Variants in CRYBG1 observed in about 807,000 individuals in gnomAD.
CRYBG1 encodes crystallin beta-gamma domain containing 1, also known as beta/gamma crystallin domain-containing protein 1.
Under a neutral mutation model 189.2 loss-of-function variants are expected in CRYBG1, and 139 were observed. The observed-to-expected ratio is 0.73, with a 90% confidence interval of 0.64 to 0.85. The LOEUF (loss-of-function observed/expected upper bound fraction) is 0.85. Ranked by LOEUF, CRYBG1 falls within the 40% of genes least tolerant of loss-of-function variation. CRYBG1 has a pLI of 0.00. For synonymous variants in CRYBG1, 1,023 were observed against 1,017.1 expected (o/e 1.01, Z -0.11); for missense variants, 2,611 against 2,675.8 (o/e 0.98, Z 0.53).
At chr6:106,525,413 T>C (rs377657919) in intron 6 of CRYBG1, 27 bp downstream of exon 6, 15 of 1,563,224 alleles carry the variant, frequency 9.6e-6, no homozygotes, top group Non-Finnish European at 1.3e-5. Context: ...AAGTTCCTGA[T>C]GTCAAGTGTT....
chr6:106,416,191 G>A (rs1445574997), intron 1 of CRYBG1, among the ~76,000 whole-genome samples: 1 of 152,184 alleles, frequency 6.6e-6, no homozygotes, highest in East Asian at 1.9e-4. Context: ...AGAACATACT[G>A]GCCAAACTCT....
chr6:106,452,035 AT>A (rs1467130620), intron 2 of CRYBG1, among the ~76,000 whole-genome samples: 1 of 147,864 alleles, frequency 6.8e-6, no homozygotes, highest in Non-Finnish European at 1.5e-5. Context: ...CAATATAATA[AT>A]TTATTATGTA....
At chr6:106,385,284 G>A (rs1039103150) in intron 1 of CRYBG1, among the ~76,000 whole-genome samples, 1 of 152,132 alleles carries the variant, frequency 6.6e-6, no homozygotes. Flanking sequence ...CATGGGTTAA[G>A]GGCATGTACT....
rs372510862 is a variant in CRYBG1, at chr6:106,532,106, G to T, written c.4718+1791G>T. 1.5e-3 allele frequency among the ~76,000 whole-genome samples: 225 copies of T among 152,204 alleles called. 1 individual carries two copies. Among genetic ancestry groups the T allele is most frequent in the African/African-American group, 5.2e-3 (216 of 41,518 alleles). ...TTGATACCTGTATACATTGCATAAT[G>T]ATCAAATCAGGGAAGTTAGCAAATC... On this transcript the variant is annotated intron_variant, in intron 8 of 21. Coordinates refer to ENST00000633556, the MANE Select transcript of CRYBG1 (RefSeq NM_001371242.2).
chr6:106,512,726 G>A lies in CRYBG1; in HGVS notation c.1609G>A (p.Ala537Thr), dbSNP rs1345504099. 3 of 1,559,944 alleles carry A rather than the reference G, an allele frequency of 1.9e-6. No homozygotes were observed. The highest frequency in any genetic ancestry group is 1.2e-5 in the South Asian group (1 of 84,712). Residue 537 changes from alanine to threonine, a missense_variant, in exon 3 of 22, where the codon GCC becomes ACC. By Grantham distance (58) the Ala-to-Thr change is moderately conservative. Coordinates refer to ENST00000633556, the MANE Select transcript of CRYBG1 (RefSeq NM_001371242.2). The stretch of plus-strand genomic sequence containing the variant: ...GCCCGCCAGCGGCCCCCGGGCTCCC[G>A]CCAAGGAGTCCCCACCCAAGAGGGT... The part of the protein sequence containing the change: ...APPASGPRAP[A>T]KESPPKRVPD...
At chr6:106,561,884 A>C (rs980780721) in intron 20 of CRYBG1, among the ~76,000 whole-genome samples, 1 of 152,220 alleles carries the variant, frequency 6.6e-6, no homozygotes, top group Non-Finnish European at 1.5e-5. Context: ...GAACGGGATG[A>C]AGGGTAAAGA....
intron 2 of CRYBG1, among the ~76,000 whole-genome samples, chr6:106,507,460 A>G (rs1188009906): frequency 6.6e-6 from 1 of 152,242 alleles, no homozygotes; most frequent in Non-Finnish European, 1.5e-5. Context: ...GACCCTGCCC[A>G]GGCCTGTGGG....
rs558695986 is a variant in CRYBG1 at position 106,528,133 on chromosome 6, C to T, written c.4578+663C>T. Among the ~76,000 whole-genome samples, 8 of 152,278 alleles carry T rather than the reference C, an allele frequency of 5.3e-5. 1 individual carries two copies. The South Asian group carries it at 1.0e-3, about 20-fold the overall frequency. On this transcript the variant is annotated intron_variant, in intron 7 of 21. Coordinates refer to ENST00000633556, the MANE Select transcript of CRYBG1 (RefSeq NM_001371242.2). ...CAAGATGCAATACAGAGAAAAGGAACATTCTTACATGAGAATGAGTAAGGA... is the reference window on the plus strand; with the variant it reads ...CAAGATGCAATACAGAGAAAAGGAATATTCTTACATGAGAATGAGTAAGGA...
rs1259862587 is a variant in CRYBG1 at position 106,511,650 on chromosome 6, C to T, written c.533C>T (p.Thr178Met). Residue 178 changes from threonine (T) to methionine (M), a missense_variant, in exon 3 of 22, where the codon ACG becomes ATG. Coordinates refer to ENST00000633556, the MANE Select transcript of CRYBG1 (RefSeq NM_001371242.2). ...TCTCAGAGCAGCCAACTGAAGCAAA[C>T]GGACACAAGCGAGGAGGGCTCCCCG... ...SRSQSSQLKQ[T>M]DTSEEGSPRE... The T allele has an allele frequency of 1.4e-5, 22 of 1,535,622 alleles. No individual in the cohort carries two copies. Among genetic ancestry groups the T allele is most frequent in the Non-Finnish European group, 1.9e-5 (22 of 1,146,644 alleles).
At position 106,519,730 on chromosome 6, in the gene CRYBG1, C is replaced by A. The variant is rs758700800; in HGVS notation, c.2522C>A (p.Thr841Asn). 1 of 1,614,096 alleles carries A rather than the reference C, an allele frequency of 6.2e-7. No homozygotes were observed. The highest frequency in any genetic ancestry group is 1.3e-5 in the African/African-American group (1 of 74,924). ...GATACAGCACAAGACATCCCCACCA[C>A]TGTGGATACCAAAGATTTACCTCCA... ...VTDTAQDIPT[T>N]VDTKDLPPTA... The change falls in exon 4 of 22, where the codon ACT (threonine) becomes AAT (asparagine). Residue 841 changes from threonine (T) to asparagine (N), a missense_variant. Transcript: ENST00000633556.
At chr6:106,515,324 A>T (rs999580324) in intron 3 of CRYBG1, among the ~76,000 whole-genome samples, 9 of 152,016 alleles carry the variant, frequency 5.9e-5, no homozygotes, top group African/African-American at 2.2e-4. Flanking sequence ...AATTGTAGTA[A>T]CTCTTGGTAG....
At chr6:106,514,032 A>T (rs1028917680) in intron 3 of CRYBG1, among the ~76,000 whole-genome samples, 1 of 152,234 alleles carries the variant, frequency 6.6e-6, no homozygotes, top group East Asian at 1.9e-4. Flanking sequence ...AAATAACAAT[A>T]CAAGATGATA....
chr6:106,422,923 G>C (rs1161373272), intron 1 of CRYBG1, among the ~76,000 whole-genome samples: 10 of 152,168 alleles, frequency 6.6e-5, no homozygotes, highest in Admixed American at 6.5e-4. Flanking sequence ...CATTTTAGAA[G>C]TGAAGTAGAT....
intron 8 of CRYBG1, 126 bp downstream of exon 8, chr6:106,530,441 A>G (rs916223259): frequency 3.2e-5 from 28 of 865,502 alleles, no homozygotes; most frequent in Non-Finnish European, 4.4e-5. Flanking sequence ...ACTGTAAGGT[A>G]TATTTTTATA....
In CRYBG1 at chr6:106,410,784, C is replaced by G. The variant is rs542671793; in HGVS notation, c.174-40910C>G. Among the ~76,000 whole-genome samples, 8 of 152,282 alleles carry G rather than the reference C, an allele frequency of 5.3e-5. No individual in the cohort carries two copies. The East Asian group carries it at 1.4e-3, about 26-fold the overall frequency. ...GAACAGAAAACCAAACACGCATATT[C>G]TCACTCGTAAGTGGGAGTTGAACAA... On this transcript the variant is annotated intron_variant, in intron 1 of 21. Transcript: ENST00000633556.
intron 2 of CRYBG1, among the ~76,000 whole-genome samples, chr6:106,490,928 T>C (rs1772707988): frequency 1.3e-5 from 2 of 152,210 alleles, no homozygotes; most frequent in African/African-American, 4.8e-5. Flanking sequence ...TATAGTATAA[T>C]ATCTTGATTA....
chr6:106,458,659 A>G (rs1771940116), intron 2 of CRYBG1, among the ~76,000 whole-genome samples: 1 of 152,212 alleles, frequency 6.6e-6, no homozygotes, highest in Non-Finnish European at 1.5e-5. Context: ...TTCTAGTATG[A>G]ACTTTACTTT....
At chr6:106,375,854 C>G (rs1308999529) in intron 1 of CRYBG1, among the ~76,000 whole-genome samples, 1 of 152,204 alleles carries the variant, frequency 6.6e-6, no homozygotes. Flanking sequence ...GCACTGAACC[C>G]TCTATATACT....
chr6:106,447,313 A>G (rs570630857), intron 1 of CRYBG1, among the ~76,000 whole-genome samples: 1 of 152,306 alleles, frequency 6.6e-6, no homozygotes, highest in African/African-American at 2.4e-5. Flanking sequence ...CAGGAGTAAA[A>G]CTAAAATTAA....
Sources: gnomAD v4.1 joint callset for allele counts (sites outside exome capture counted in the v4.1 genomes callset) on GRCh38, gnomAD v4.1.1 for gene constraint, MANE v1.5 for transcripts, NCBI Gene and HGNC (gene_info 2026-07-23, HGNC 2026-07-21) for gene names.